The following CDK13 variants were observed in gnomAD, a reference collection of about 807,000 sequenced individuals.
CDK13 encodes cyclin-dependent kinase 13.
In CDK13, 40 loss-of-function variants were observed where a neutral mutation model predicts 137.6. The observed-to-expected ratio is 0.29, with a 90% confidence interval of 0.23 to 0.38. The LOEUF is 0.38. Among genes scored for constraint, CDK13 ranks in the 10% least tolerant of loss-of-function variants. The pLI, the probability that CDK13 is intolerant of heterozygous loss-of-function variation, is 1.00. For synonymous variants in CDK13, 869 were observed against 760.1 expected, an observed-to-expected ratio of 1.14 and a Z score of -2.36; for missense variants, 1,704 against 1,951.8, an observed-to-expected ratio of 0.87 and a Z score of 2.39.
chr7:40,077,434 GTCA>G (rs1451931559), intron 9 of CDK13, among the ~76,000 whole-genome samples: 3 of 152,128 alleles, frequency 2.0e-5, no homozygotes, highest in Admixed American at 2.0e-4. Context: ...TATTTTGAGT[GTCA>G]TCATGTTTTA....
intron 9 of CDK13, among the ~76,000 whole-genome samples, chr7:40,074,307 G>A (rs1014099947): frequency 1.3e-5 from 2 of 152,152 alleles, no homozygotes; most frequent in Non-Finnish European, 1.5e-5. Flanking sequence ...CGGATCACTA[G>A]GTCAGGAGAT....
At chr7:40,064,863 C>G (rs977561749) in intron 9 of CDK13, among the ~76,000 whole-genome samples, 36 of 147,952 alleles carry the variant, frequency 2.4e-4, no homozygotes, top group Admixed American at 2.4e-3. Flanking sequence ...GCAGTCATGG[C>G]TCACTGCAGC....
At chr7:39,982,922 T>C (rs1238561869) in intron 1 of CDK13, among the ~76,000 whole-genome samples, 4 of 152,232 alleles carry the variant, frequency 2.6e-5, no homozygotes. Flanking sequence ...ATTAGCCCTT[T>C]GTCAGATGAG....
At chr7:40,002,780 A>G (rs1784711513) in intron 5 of CDK13, among the ~76,000 whole-genome samples, 1 of 152,046 alleles carries the variant, frequency 6.6e-6, no homozygotes, top group Non-Finnish European at 1.5e-5. Context: ...TAAATCTAAC[A>G]TAAAGCAGAC....
At chr7:40,093,798 TG>T (rs1786979564) in intron 13 of CDK13, among the ~76,000 whole-genome samples, 1 of 151,416 alleles carries the variant, frequency 6.6e-6, no homozygotes, top group Non-Finnish European at 1.5e-5. Context: ...TCCAGCTACT[TG>T]GAAGGCTGAG....
intron 2 of CDK13, among the ~76,000 whole-genome samples, chr7:39,991,330 A>G (rs1554325534): frequency 2.0e-5 from 3 of 152,230 alleles, no homozygotes. Context: ...CTCACTGTAA[A>G]TGTAAAGATC....
At chr7:40,024,645 G>GGTTTTTT (rs1785202598) in intron 5 of CDK13, among the ~76,000 whole-genome samples, 5 of 50,262 alleles carry the variant, frequency 9.9e-5, no homozygotes, top group African/African-American at 4.2e-4. Context: ...GTAGCTCTGT[G>GGTTTTTT]TTTTTTTTTT....
chr7:39,955,880 G>C (rs144018701), intron 1 of CDK13, among the ~76,000 whole-genome samples: 7 of 152,070 alleles, frequency 4.6e-5, no homozygotes, highest in African/African-American at 1.4e-4. Flanking sequence ...TGTGTGTTTT[G>C]TTCTTTCTCT....
chr7:40,081,007 T>C (rs1354496584), intron 11 of CDK13, among the ~76,000 whole-genome samples: 1 of 140,468 alleles, frequency 7.1e-6, no homozygotes, highest in African/African-American at 2.8e-5. Flanking sequence ...GACTTTTTTT[T>C]TTAAGATAAA....
chr7:39,955,696 A>G (rs1227031415), intron 1 of CDK13, among the ~76,000 whole-genome samples: 2 of 152,112 alleles, frequency 1.3e-5, no homozygotes, highest in African/African-American at 4.8e-5. Flanking sequence ...TGTAGTTTTT[A>G]TGAACAATTG....
At chr7:40,051,811 C>T (rs1404216244) in intron 7 of CDK13, among the ~76,000 whole-genome samples, 1 of 152,122 alleles carries the variant, frequency 6.6e-6, no homozygotes, top group East Asian at 1.9e-4. Context: ...AAGAGAACCA[C>T]TGGATTAAAA....
At chr7:39,957,414 A>C (rs1562696650) in intron 1 of CDK13, among the ~76,000 whole-genome samples, 1 of 143,320 alleles carries the variant, frequency 7.0e-6, no homozygotes, top group Non-Finnish European at 1.6e-5. Flanking sequence ...CTAGATTGTA[A>C]GCTCCTAGAG....
chr7:40,099,076 A>C lies in CDK13; in HGVS notation c.*4096A>C, dbSNP rs562712356. ...ATTGATTTGGAACTTTAAAAAAAAA[A>C]ACAACAAAAAAATACTTTCAGGGTT... is the stretch of plus-strand genomic sequence containing the variant. On this transcript the variant is annotated 3_prime_UTR_variant, in exon 14 of 14. Coordinates refer to ENST00000181839, the MANE Select transcript of CDK13 (RefSeq NM_003718.5). 2.6e-5 allele frequency: 4 copies of C among 151,894 alleles called. No individual in the cohort carries two copies. The South Asian group carries it at 8.3e-4, about 32-fold the overall frequency. 9.4% of individuals were successfully genotyped at this position (151,894 alleles called of 1,614,324 possible).
chr7:39,995,533 C>T (rs2116301523), intron 2 of CDK13, among the ~76,000 whole-genome samples: 1 of 152,258 alleles, frequency 6.6e-6, no homozygotes, highest in African/African-American at 2.4e-5. Context: ...AACACTTTAT[C>T]CTACTTCCTA....
chr7:39,968,787 T>C (rs1783930293), intron 1 of CDK13, among the ~76,000 whole-genome samples: 1 of 152,192 alleles, frequency 6.6e-6, no homozygotes, highest in Non-Finnish European at 1.5e-5. Context: ...CCATTTGGGA[T>C]CTTTTGAGGG....
At chr7:39,973,310 C>T (rs1389360729) in intron 1 of CDK13, among the ~76,000 whole-genome samples, 2 of 152,078 alleles carry the variant, frequency 1.3e-5, no homozygotes, top group African/African-American at 4.8e-5. Flanking sequence ...CTAATTTTTT[C>T]GTATTTTTGT....
chr7:40,086,702 G>C lies in CDK13; in HGVS notation c.3030-1424G>C, dbSNP rs182698780. 5.0e-3 allele frequency among the ~76,000 whole-genome samples: 754 copies of C among 151,958 alleles called. 13 individuals carry two copies. The highest frequency in any genetic ancestry group is 0.023 in the Admixed American group (356 of 15,270). Reference sequence around the variant, plus strand: ...CCAGGATTACCTATTTTGAAAACTCGTCTGTAGCATCAGTTTAATTCTAGA... The same window carrying C: ...CCAGGATTACCTATTTTGAAAACTCCTCTGTAGCATCAGTTTAATTCTAGA... On this transcript the variant is annotated intron_variant, in intron 11 of 13. Coordinates refer to ENST00000181839, the MANE Select transcript of CDK13 (RefSeq NM_003718.5).
At chr7:40,069,193 C>A in intron 9 of CDK13, 1 of 389,744 alleles carries the variant, frequency 2.6e-6, no homozygotes, top group Admixed American at 3.1e-5. Flanking sequence ...TGTGATTGCA[C>A]CACTGCCCTT....
intron 7 of CDK13, chr7:40,049,179 C>CG (rs1554334189): frequency 2.5e-4 from 13 of 51,342 alleles, no homozygotes; most frequent in South Asian, 1.1e-3. Context: ...AGACTGTCTC[C>CG]AAAAAAAAAA....
Sources: allele counts gnomAD v4.1 joint callset (sites outside exome capture counted in the v4.1 genomes callset), GRCh38; gene constraint gnomAD v4.1.1; transcripts MANE v1.5; gene names NCBI Gene and HGNC (gene_info 2026-07-23, HGNC 2026-07-21).